ZNF160: variants seen among roughly 807,000 people sequenced by gnomAD.
ZNF160 encodes the protein KRAB zinc finger protein KR18.
ZNF160 carries 9 observed loss-of-function variants against 13.1 expected under a neutral mutation model. The observed-to-expected ratio is 0.69, with a 90% CI of 0.41 to 1.20. The LOEUF is 1.20. ZNF160 is among the 50% of genes most tolerant of loss of function. The pLI, the probability that ZNF160 is intolerant of heterozygous loss-of-function variation, is 0.01. For missense variants in ZNF160, 838 were observed against 988.0 expected (o/e 0.85, Z 2.04); for synonymous variants, 293 against 333.2 (o/e 0.88, Z 1.31).
At chr19:53,075,880 A>C (rs1600829236) in intron 3 of ZNF160, 1 of 513,910 alleles carries the variant, frequency 1.9e-6, no homozygotes, top group African/African-American at 1.9e-5. Flanking sequence ...GACTGGCATT[A>C]ATGTGTGTGC....
intron 1 of ZNF160, among the ~76,000 whole-genome samples, chr19:53,097,455 C>T (rs1381846978): frequency 2.6e-5 from 4 of 152,002 alleles, no homozygotes; most frequent in Non-Finnish European, 5.9e-5. Flanking sequence ...CATAAAGATC[C>T]CACAATCCCC....
chr19:53,080,366 T>G (rs1206735120), intron 3 of ZNF160, among the ~76,000 whole-genome samples: 2 of 152,216 alleles, frequency 1.3e-5, no homozygotes, highest in African/African-American at 4.8e-5. Flanking sequence ...CCCAAAGTGC[T>G]GGGATTACAG....
intron 3 of ZNF160, among the ~76,000 whole-genome samples, chr19:53,080,455 G>T (rs2084588163): frequency 6.6e-6 from 1 of 152,104 alleles, no homozygotes; most frequent in Admixed American, 6.6e-5. Context: ...ACATCATCAA[G>T]AATGCAATCC....
rs1354104370 is a variant in ZNF160 at position 53,068,444 on chromosome 19, C to T, written c.2090G>A (p.Arg697Lys). The change falls in exon 6 of 6, where the codon AGG (arginine) becomes AAG (lysine). Residue 697 changes from arginine (R) to lysine (K), a missense_variant. Arg to Lys is a conservative substitution (Grantham distance 26). Coordinates refer to ENST00000683776, the MANE Select transcript of ZNF160 (RefSeq NM_001322131.2). The part of the protein sequence containing the change: ...TQNSHLANHQ[R>K]THTGEKPYRC... ...GTAAGGTTTCTCTCCGGTGTGAGTC[C>T]TTTGATGATTTGCAAGGTGTGAGTT... 6.2e-7 allele frequency: 1 copy of T among 1,613,722 alleles called. No homozygotes were observed. The highest frequency in any genetic ancestry group is 1.3e-5 in the African/African-American group (1 of 74,838).
chr19:53,068,786 T>G lies in ZNF160; in HGVS notation c.1748A>C (p.His583Pro). The change falls in exon 6 of 6, where the codon CAT becomes CCT. Residue 583 changes from histidine (H) to proline (P), a missense_variant. By Grantham distance (77) the His-to-Pro change is moderately conservative. Transcript: ENST00000683776. ...TTTTTCTCCAGTATGAACTCTCCAA[T>G]GCCTTGCAAGTTGTGATGTTTGAGC... ...VFAQTSQLAR[H>P]WRVHTGEKPY... 2 of 1,612,872 alleles carry G rather than the reference T, an allele frequency of 1.2e-6. No homozygotes were observed. Among genetic ancestry groups the G allele is most frequent in the Non-Finnish European group, 1.7e-6 (2 of 1,178,896 alleles).
chr19:53,078,753 A>G (rs1426533242), intron 3 of ZNF160, among the ~76,000 whole-genome samples: 2 of 152,148 alleles, frequency 1.3e-5, no homozygotes, highest in African/African-American at 4.8e-5. Flanking sequence ...TGAGAAAGAA[A>G]AAATCTGTAT....
chr19:53,078,778 T>A, intron 3 of ZNF160, among the ~76,000 whole-genome samples: 2 of 142,248 alleles, frequency 1.4e-5, no homozygotes, highest in African/African-American at 5.4e-5. Flanking sequence ...TCATAAGTAG[T>A]AAGGCAACTG....
chr19:53,094,917 G>T (rs2085166004), intron 1 of ZNF160, among the ~76,000 whole-genome samples: 1 of 151,970 alleles, frequency 6.6e-6, no homozygotes, highest in South Asian at 2.1e-4. Flanking sequence ...CTCCTTTCCC[G>T]GCCCTGCCCG....
chr19:53,071,275 G>C (rs1392867737), intron 5 of ZNF160, among the ~76,000 whole-genome samples: 1 of 151,974 alleles, frequency 6.6e-6, no homozygotes, highest in African/African-American at 2.4e-5. Flanking sequence ...AGGGTGCTGG[G>C]TGCGGTGGCT....
intron 1 of ZNF160, among the ~76,000 whole-genome samples, chr19:53,093,307 G>A (rs988794796): frequency 5.9e-5 from 9 of 152,136 alleles, no homozygotes; most frequent in African/African-American, 2.2e-4. Context: ...AGGCGCGGTG[G>A]CAGCGCCTGT....
At chr19:53,070,389 G>A in intron 5 of ZNF160, 127 bp from the exon 6 acceptor site, 1 of 968,818 alleles carries the variant, frequency 1.0e-6, no homozygotes, top group Non-Finnish European at 1.4e-6. Context: ...TCAGAACTGT[G>A]AATTTCAATT....
At chr19:53,086,440 T>C (rs2084834463) in intron 2 of ZNF160, 119 bp from the exon 3 acceptor site, 3 of 769,560 alleles carry the variant, frequency 3.9e-6, no homozygotes, top group Middle Eastern at 2.4e-4. Flanking sequence ...GATCTCACCC[T>C]GTGGAAAGAT....
At chr19:53,070,564 C>T (rs2084131924) in intron 5 of ZNF160, among the ~76,000 whole-genome samples, 1 of 152,198 alleles carries the variant, frequency 6.6e-6, no homozygotes, top group African/African-American at 2.4e-5. Context: ...GCGCCCGCCA[C>T]CACGCCTGGC....
chr19:53,089,179 G>A (rs567506704), intron 2 of ZNF160, among the ~76,000 whole-genome samples: 13 of 152,148 alleles, frequency 8.5e-5, no homozygotes, highest in Non-Finnish European at 1.5e-4. Flanking sequence ...ACTTGTGACC[G>A]GCATTTGAAG....
chr19:53,084,251 G>T (rs2084746889), intron 3 of ZNF160, among the ~76,000 whole-genome samples: 1 of 152,178 alleles, frequency 6.6e-6, no homozygotes, highest in South Asian at 2.1e-4. Flanking sequence ...CAAGTTAGGG[G>T]GACACCCACC....
At position 53,067,775 on chromosome 19, in the gene ZNF160, G is replaced by T. The variant is rs949650585; in HGVS notation, c.*302C>A. The stretch of plus-strand genomic sequence containing the variant: ...ATCAAAGGCAAACAGGGAAACCAGA[G>T]ACTGTTATTCCTCCTAGGAATCCTC... On this transcript the variant is annotated 3_prime_UTR_variant, in exon 6 of 6. Transcript: ENST00000683776. 2 of 290,676 alleles carry T rather than the reference G, an allele frequency of 6.9e-6. No homozygotes were observed. Among genetic ancestry groups the T allele is most frequent in the African/African-American group, 4.3e-5 (2 of 46,214 alleles). 18.0% of individuals were successfully genotyped at this position (290,676 alleles called of 1,614,324 possible).
At position 53,068,806 on chromosome 19, in the gene ZNF160, T is replaced by G. The variant is rs78382850; in HGVS notation, c.1728A>C (p.Gln576His). 2 of 1,613,864 alleles carry G rather than the reference T, an allele frequency of 1.2e-6. No individual in the cohort carries two copies. Among genetic ancestry groups the G allele is most frequent in the Non-Finnish European group, 1.7e-6 (2 of 1,179,984 alleles). ...KCNECGKVFAQTSQLARHWRV... is the reference protein window; with the variant it reads ...KCNECGKVFAHTSQLARHWRV... Reference sequence around the variant, plus strand: ...TCCAATGCCTTGCAAGTTGTGATGTTTGAGCGAAGACTTTACCACATTCAT... The same window carrying G: ...TCCAATGCCTTGCAAGTTGTGATGTGTGAGCGAAGACTTTACCACATTCAT... Residue 576 changes from glutamine (Q) to histidine (H), a missense_variant, in exon 6 of 6, where the codon CAA becomes CAC. By Grantham distance (24) the Gln-to-His change is conservative. Transcript: ENST00000683776.
rs1382820206 is a variant in ZNF160, at chr19:53,086,313, G to A, written c.-37C>T. 6.3e-7 allele frequency: 1 copy of A among 1,575,644 alleles called. No homozygotes were observed. The highest frequency in any genetic ancestry group is 2.2e-5 in the East Asian group (1 of 44,694). On this transcript the variant is annotated 5_prime_UTR_variant, in exon 3 of 6. Coordinates refer to ENST00000683776, the MANE Select transcript of ZNF160 (RefSeq NM_001322131.2). ...TTTCTTTCCTCTTCCTCTTCTTCCA[G>A]ACTTCTTCCTTGGGTAACATAAAAG...
chr19:53,102,179 G>A (rs1485337487), intron 1 of ZNF160, among the ~76,000 whole-genome samples: 3 of 151,804 alleles, frequency 2.0e-5, no homozygotes, highest in African/African-American at 7.3e-5. Flanking sequence ...CTCTTGTGGC[G>A]TTTTCTTTCC....
Sources: allele counts gnomAD v4.1 joint callset (sites outside exome capture counted in the v4.1 genomes callset), GRCh38; gene constraint gnomAD v4.1.1; transcripts MANE v1.5; gene names NCBI Gene and HGNC (gene_info 2026-07-23, HGNC 2026-07-21).